The following EYS variants were observed in gnomAD, a reference collection of about 807,000 sequenced individuals.
EYS encodes protein eyes shut homolog.
In EYS, 250 loss-of-function variants were observed where a neutral mutation model predicts 282.1. The ratio of observed to expected loss-of-function variants is 0.89; its 90% CI spans 0.80 to 0.98. The LOEUF (loss-of-function observed/expected upper bound fraction) is 0.98, where lower values mean the gene tolerates loss of function less well. Ranked by LOEUF, EYS falls within the 50% of genes least tolerant of loss-of-function variation. The probability of loss-of-function intolerance (pLI) is 0.00; values close to 1 mark genes in which losing one functional copy is unlikely to be tolerated. For synonymous variants in EYS, 1,355 were observed against 1,282.9 expected (o/e 1.06, Z -1.20); for missense variants, 4,016 against 3,709.0 (o/e 1.08, Z -2.15).
intron 28 of EYS, among the ~76,000 whole-genome samples, chr6:64,416,786 G>T (rs1002993966): frequency 6.6e-6 from 1 of 152,048 alleles, no homozygotes. Flanking sequence ...ATATTACTCA[G>T]CATAATATGG....
At chr6:63,946,330 G>GTATT (rs59570380) in intron 35 of EYS, among the ~76,000 whole-genome samples, 1 of 151,810 alleles carries the variant, frequency 6.6e-6, no homozygotes, top group African/African-American at 2.4e-5. Flanking sequence ...TTATCTGAAT[G>GTATT]ATCATATTCA....
intron 22 of EYS, among the ~76,000 whole-genome samples, chr6:64,698,962 T>C (rs1047755408): frequency 2.0e-5 from 3 of 152,166 alleles, no homozygotes; most frequent in Admixed American, 6.5e-5. Context: ...AACCCAGCAG[T>C]CCCATTATTA....
intron 22 of EYS, among the ~76,000 whole-genome samples, chr6:64,646,654 A>G (rs1020388897): frequency 6.6e-6 from 1 of 151,704 alleles, no homozygotes; most frequent in Non-Finnish European, 1.5e-5. Flanking sequence ...ATACAAAAAA[A>G]CATTAGCCGG....
intron 31 of EYS, among the ~76,000 whole-genome samples, chr6:64,150,916 A>G (rs1176150715): frequency 6.6e-6 from 1 of 152,148 alleles, no homozygotes; most frequent in Non-Finnish European, 1.5e-5. Context: ...TTTATGAGGA[A>G]CTTGTCATCT....
intron 28 of EYS, among the ~76,000 whole-genome samples, chr6:64,404,380 AGTGTGT>A (rs59373630): frequency 0.084 from 7,888 of 93,752 alleles, 347 homozygotes; most frequent in African/African-American, 0.16. Context: ...AGAGTGTGAG[AGTGTGT>A]GTGTGTGTGT....
At chr6:64,069,459 C>T (rs1435459517) in intron 32 of EYS, among the ~76,000 whole-genome samples, 1 of 151,612 alleles carries the variant, frequency 6.6e-6, no homozygotes, top group Non-Finnish European at 1.5e-5. Flanking sequence ...AGTATATATA[C>T]ACATGTGATA....
At chr6:64,496,630 T>A (rs1776896769) in intron 26 of EYS, among the ~76,000 whole-genome samples, 1 of 152,030 alleles carries the variant, frequency 6.6e-6, no homozygotes, top group Non-Finnish European at 1.5e-5. Context: ...ATATTTTCTT[T>A]TGGTATTATC....
intron 12 of EYS, among the ~76,000 whole-genome samples, chr6:65,079,036 A>G (rs1048587339): frequency 6.6e-6 from 1 of 151,900 alleles, no homozygotes; most frequent in African/African-American, 2.4e-5. Flanking sequence ...TTCAGCCTGC[A>G]GAACTGTAAG....
intron 32 of EYS, among the ~76,000 whole-genome samples, chr6:64,067,419 C>T (rs1771411967): frequency 6.6e-6 from 1 of 152,082 alleles, no homozygotes; most frequent in Non-Finnish European, 1.5e-5. Flanking sequence ...TAACCACTAT[C>T]TTGATGTTTA....
At chr6:64,716,629 C>G (rs1771405305) in intron 22 of EYS, among the ~76,000 whole-genome samples, 1 of 152,160 alleles carries the variant, frequency 6.6e-6, no homozygotes, top group Non-Finnish European at 1.5e-5. Flanking sequence ...TAGCAACAGG[C>G]AGGATCAACT....
intron 30 of EYS, among the ~76,000 whole-genome samples, chr6:64,285,263 C>G (rs1279697648): frequency 6.7e-6 from 1 of 149,232 alleles, no homozygotes; most frequent in Non-Finnish European, 1.5e-5. Context: ...TCCAAATCAC[C>G]TCTTGAATGC....
chr6:64,093,853 C>T (rs551431622), intron 31 of EYS, among the ~76,000 whole-genome samples: 1 of 152,206 alleles, frequency 6.6e-6, no homozygotes, highest in South Asian at 2.1e-4. Flanking sequence ...GGGAATGCTT[C>T]CAGTTTTTGC....
chr6:64,360,774 C>T (rs1771977754), intron 29 of EYS, among the ~76,000 whole-genome samples: 1 of 151,704 alleles, frequency 6.6e-6, no homozygotes, highest in Admixed American at 6.6e-5. Context: ...CACCAATATT[C>T]CTGTTACTCA....
intron 2 of EYS, among the ~76,000 whole-genome samples, chr6:65,565,870 T>G (rs1459381525): frequency 2.6e-5 from 4 of 152,046 alleles, no homozygotes; most frequent in African/African-American, 9.7e-5. Flanking sequence ...ACACCACATG[T>G]TCTCACTCAT....
At chr6:64,549,867 C>T (rs1765012875) in intron 26 of EYS, among the ~76,000 whole-genome samples, 1 of 151,838 alleles carries the variant, frequency 6.6e-6, no homozygotes. Context: ...GGTATATCTC[C>T]TAATGCTATC....
At chr6:64,286,456 T>A (rs1768504395) in intron 30 of EYS, among the ~76,000 whole-genome samples, 1 of 152,148 alleles carries the variant, frequency 6.6e-6, no homozygotes, top group South Asian at 2.1e-4. Flanking sequence ...ATACTATACA[T>A]CAGAAAGGTA....
At chr6:64,002,146 G>A (rs540076274) in intron 33 of EYS, among the ~76,000 whole-genome samples, 1 of 152,292 alleles carries the variant, frequency 6.6e-6, no homozygotes, top group Admixed American at 6.5e-5. Flanking sequence ...GAGAATAGGA[G>A]GGATGTCTGG....
chr6:64,808,724 T>G (rs995898129), intron 22 of EYS, among the ~76,000 whole-genome samples: 1 of 152,082 alleles, frequency 6.6e-6, no homozygotes, highest in Non-Finnish European at 1.5e-5. Context: ...ACAAAGAATC[T>G]ACCTATCTTT....
intron 26 of EYS, among the ~76,000 whole-genome samples, chr6:64,533,248 G>A (rs907179471): frequency 7.9e-5 from 12 of 152,200 alleles, no homozygotes; most frequent in African/African-American, 2.6e-4. Flanking sequence ...CATAATTAGA[G>A]CTAGAGATGG....
Sources: gnomAD v4.1 joint callset for allele counts (sites outside exome capture counted in the v4.1 genomes callset) on GRCh38, gnomAD v4.1.1 for gene constraint, MANE v1.5 for transcripts, NCBI Gene and HGNC (gene_info 2026-07-23, HGNC 2026-07-21) for gene names.